Variants in FAM151B observed in about 807,000 individuals in gnomAD.
FAM151B encodes family with sequence similarity 151 member B, also known as protein FAM151B.
Under a neutral mutation model 31.2 loss-of-function variants are expected in FAM151B, and 24 were observed. The ratio of observed to expected loss-of-function variants is 0.77; its 90% CI spans 0.56 to 1.08. The LOEUF (loss-of-function observed/expected upper bound fraction) is 1.08. Ranked by LOEUF, FAM151B falls within the 50% of genes least tolerant of loss-of-function variation. The pLI is 0.00. For synonymous variants in FAM151B, 105 were observed against 111.4 expected (o/e 0.94, Z 0.36); for missense variants, 293 against 328.6 (o/e 0.89, Z 0.84).
chr5:80,530,305 A>G (rs1319455241), intron 5 of FAM151B, among the ~76,000 whole-genome samples: 3 of 152,078 alleles, frequency 2.0e-5, no homozygotes, highest in Non-Finnish European at 4.4e-5. Context: ...AACTGGAAGC[A>G]TTCCCTTTGA....
At chr5:80,498,474 T>C in intron 1 of FAM151B, 1 of 633,778 alleles carries the variant, frequency 1.6e-6, no homozygotes, top group Non-Finnish European at 2.7e-6. Context: ...TTTTTGGTTT[T>C]TTGGGGGGCT....
At chr5:80,533,036 A>G (rs1471154595) in intron 5 of FAM151B, among the ~76,000 whole-genome samples, 1 of 152,184 alleles carries the variant, frequency 6.6e-6, no homozygotes, top group African/African-American at 2.4e-5. Context: ...AAGTGCCTAC[A>G]TCGAAAATTT....
chr5:80,538,544 CCTTCCTTCCTTCCTTCCTTCCTTCCT>C (rs1182892394), intron 5 of FAM151B, among the ~76,000 whole-genome samples: 12 of 134,408 alleles, frequency 8.9e-5, no homozygotes, highest in Non-Finnish European at 1.7e-4. Context: ...TTCCTTCCTT[CCTTCCTTCCTTCCTTCCTTCCTTCCT>C]TCCCTCCCTT....
intron 3 of FAM151B, among the ~76,000 whole-genome samples, chr5:80,516,527 A>G (rs1744450086): frequency 6.6e-6 from 1 of 152,218 alleles, no homozygotes; most frequent in African/African-American, 2.4e-5. Context: ...TTGATTTACA[A>G]ATAACTTTTT....
rs766617543 is a variant in FAM151B at position 80,541,737 on chromosome 5, A to G, written c.736A>G (p.Arg246Gly). ...TTCCGTTGAAGATTTACTTTACATT[A>G]GAGACCATTTTGACAAAAAACAAGT... ...NYSVEDLLYI[R>G]DHFDKKQVFY... Residue 246 changes from arginine to glycine, a missense_variant, in exon 6 of 6, where the codon AGA (arginine) becomes GGA (glycine). By Grantham distance (125) the Arg-to-Gly change is moderately radical. Transcript: ENST00000282226. The G allele has an allele frequency of 4.3e-6, 7 of 1,613,574 alleles. No homozygotes were observed. Among genetic ancestry groups the G allele is most frequent in the Non-Finnish European group, 5.1e-6 (6 of 1,179,722 alleles).
intron 2 of FAM151B, among the ~76,000 whole-genome samples, chr5:80,511,404 T>C (rs1349404326): frequency 7.3e-6 from 1 of 136,166 alleles, no homozygotes; most frequent in Non-Finnish European, 1.5e-5. Context: ...AGCCCAAGAG[T>C]TTCAGGTTGC....
intron 1 of FAM151B, among the ~76,000 whole-genome samples, chr5:80,488,952 T>C (rs1743212640): frequency 6.6e-6 from 1 of 152,132 alleles, no homozygotes; most frequent in African/African-American, 2.4e-5. Context: ...ATCCCCCAAA[T>C]GCTGATACCC....
At chr5:80,532,566 C>T (rs928519808) in intron 5 of FAM151B, among the ~76,000 whole-genome samples, 1 of 152,176 alleles carries the variant, frequency 6.6e-6, no homozygotes, top group African/African-American at 2.4e-5. Flanking sequence ...GACTTCAACA[C>T]CCCACTTTCA....
intron 5 of FAM151B, among the ~76,000 whole-genome samples, chr5:80,532,923 AAG>A (rs1252838410): frequency 2.0e-5 from 3 of 152,240 alleles, no homozygotes; most frequent in Non-Finnish European, 4.4e-5. Flanking sequence ...GAAATTAAGA[AAG>A]AAATTGAAAA....
rs538643591 is a variant in FAM151B, at chr5:80,516,032, TA to T, written c.317+2264del. On this transcript the variant is annotated intron_variant, in intron 3 of 5. Coordinates refer to ENST00000282226, the MANE Select transcript of FAM151B (RefSeq NM_205548.3). ...CTTTGTTTGGTACACAAATAAAAAG[TA>T]TTATATTTTGGCTGGGCGCAGTGGC... Among the ~76,000 whole-genome samples the T allele has an allele frequency of 4.6e-3, 702 of 152,336 alleles. 3 individuals carry two copies. Among genetic ancestry groups the T allele is most frequent in the Middle Eastern group, 0.01 (3 of 294 alleles).
intron 5 of FAM151B, among the ~76,000 whole-genome samples, chr5:80,523,202 G>A (rs1744797138): frequency 1.3e-5 from 2 of 152,120 alleles, no homozygotes; most frequent in South Asian, 4.1e-4. Flanking sequence ...AAACCCAGAA[G>A]CCTGTAAAAG....
chr5:80,522,208 T>G, intron 5 of FAM151B, 70 bp downstream of exon 5: 1 of 1,482,752 alleles, frequency 6.7e-7, no homozygotes, highest in South Asian at 1.3e-5. Context: ...GCATGAAAAT[T>G]GATTATTTAA....
chr5:80,494,441 CTTTT>C (rs1207140802), intron 1 of FAM151B, among the ~76,000 whole-genome samples: 2 of 50,146 alleles, frequency 4.0e-5, no homozygotes, highest in African/African-American at 9.4e-5. Context: ...GTCTTTCTTT[CTTTT>C]TCTTTCTTTC....
chr5:80,496,214 A>G (rs1455822082), intron 1 of FAM151B, among the ~76,000 whole-genome samples: 1 of 152,208 alleles, frequency 6.6e-6, no homozygotes, highest in Non-Finnish European at 1.5e-5. Context: ...TCATTGCCTT[A>G]TTGTAAGAAA....
At chr5:80,522,180 G>A (rs1744751412) in intron 5 of FAM151B, 42 bp downstream of exon 5, 1 of 1,566,556 alleles carries the variant, frequency 6.4e-7, no homozygotes. Flanking sequence ...GTGTGTATGA[G>A]AGACAGAGAT....
intron 1 of FAM151B, among the ~76,000 whole-genome samples, chr5:80,498,330 T>C (rs1430847391): frequency 6.6e-6 from 1 of 152,220 alleles, no homozygotes; most frequent in Non-Finnish European, 1.5e-5. Flanking sequence ...TGTCCTTTTT[T>C]TTTTAAATTC....
intron 1 of FAM151B, among the ~76,000 whole-genome samples, chr5:80,491,162 T>G (rs190451305): frequency 1.1e-3 from 166 of 151,910 alleles, no homozygotes; most frequent in Non-Finnish European, 1.8e-3. Context: ...TGAGAACATT[T>G]AAAATCTACT....
intron 5 of FAM151B, among the ~76,000 whole-genome samples, chr5:80,528,834 A>G (rs1456058251): frequency 6.6e-6 from 1 of 152,198 alleles, no homozygotes; most frequent in African/African-American, 2.4e-5. Context: ...TCAACGAGAC[A>G]GAAAGTTAAC....
At chr5:80,514,008 A>G (rs1349092052) in intron 3 of FAM151B, among the ~76,000 whole-genome samples, 2 of 152,330 alleles carry the variant, frequency 1.3e-5, no homozygotes, top group Admixed American at 6.5e-5. Context: ...GACCATCGTG[A>G]CAACAGAAAG....
Sources: allele counts gnomAD v4.1 joint callset (sites outside exome capture counted in the v4.1 genomes callset), GRCh38; gene constraint gnomAD v4.1.1; transcripts MANE v1.5; gene names NCBI Gene and HGNC (gene_info 2026-07-23, HGNC 2026-07-21).